Variants in TNFRSF13B observed in about 807,000 individuals in gnomAD.
The protein encoded by TNFRSF13B is TNF receptor superfamily member 13B, also known as tumor necrosis factor receptor superfamily member 13B.
A neutral mutation model predicts 24.0 loss-of-function variants in TNFRSF13B; 34 were observed. The ratio of observed to expected loss-of-function variants is 1.41; its 90% CI spans 1.08 to 1.88. The LOEUF (loss-of-function observed/expected upper bound fraction) is 1.88, where lower values mean the gene tolerates loss of function less well. Among genes scored for constraint, TNFRSF13B ranks in the 40% most tolerant of loss-of-function variants. The pLI is 0.00. For synonymous variants in TNFRSF13B, 173 were observed against 150.3 expected, an observed-to-expected ratio of 1.15 and a Z score of -1.10; for missense variants, 415 against 380.8, an observed-to-expected ratio of 1.09 and a Z score of -0.75.
intron 1 of TNFRSF13B, among the ~76,000 whole-genome samples, chr17:16,955,616 G>A (rs1430528999): frequency 1.3e-5 from 2 of 152,228 alleles, no homozygotes; most frequent in Non-Finnish European, 2.9e-5. Flanking sequence ...TCAAGTATCA[G>A]TGCAATACAG....
intron 2 of TNFRSF13B, among the ~76,000 whole-genome samples, chr17:16,951,543 G>C (rs566679122): frequency 6.6e-6 from 1 of 152,198 alleles, no homozygotes; most frequent in African/African-American, 2.4e-5. Flanking sequence ...ACAGGTTTTC[G>C]TGGTCCAGTA....
chr17:16,951,781 G>A (rs1297811698), intron 2 of TNFRSF13B, among the ~76,000 whole-genome samples: 4 of 152,146 alleles, frequency 2.6e-5, no homozygotes, highest in South Asian at 2.1e-4. Context: ...CCAGCTACTC[G>A]GGAGGCTGAG....
At chr17:16,959,292 A>G (rs1032875604) in intron 1 of TNFRSF13B, among the ~76,000 whole-genome samples, 1 of 152,094 alleles carries the variant, frequency 6.6e-6, no homozygotes, top group African/African-American at 2.4e-5. Flanking sequence ...AAATGAAAAT[A>G]CAACATACCA....
At chr17:16,971,070 G>A (rs935807199) in intron 1 of TNFRSF13B, among the ~76,000 whole-genome samples, 1 of 152,180 alleles carries the variant, frequency 6.6e-6, no homozygotes, top group Non-Finnish European at 1.5e-5. Flanking sequence ...TATACGGGCC[G>A]GGTGCCGTGG....
In TNFRSF13B at chr17:16,940,505, G is replaced by A. The variant is rs200037919; in HGVS notation, c.452C>T (p.Pro151Leu). The change falls in exon 4 of 5, where the codon CCG becomes CTG. Residue 151 changes from proline to leucine, a missense_variant. Coordinates refer to ENST00000261652, the MANE Select transcript of TNFRSF13B (RefSeq NM_012452.3). ...HRGSEASPAL[P>L]GLKLSADQVA... The stretch of plus-strand genomic sequence containing the variant: ...CTGATCTGCACTCAGCTTCAGCCCC[G>A]GGAGAGCTGCAAGACAGCATGAGAC... 122 of 1,613,292 alleles carry A rather than the reference G, an allele frequency of 7.6e-5. No homozygotes were observed. Among genetic ancestry groups the A allele is most frequent in the Middle Eastern group, 3.3e-4 (2 of 6,062 alleles).
At chr17:16,970,366 A>G (rs2087735266) in intron 1 of TNFRSF13B, among the ~76,000 whole-genome samples, 2 of 152,296 alleles carry the variant, frequency 1.3e-5, no homozygotes, top group East Asian at 3.9e-4. Context: ...ACCAGAGAGC[A>G]GCCAAGGAGG....
At chr17:16,965,804 T>C (rs910545999) in intron 1 of TNFRSF13B, among the ~76,000 whole-genome samples, 5 of 152,132 alleles carry the variant, frequency 3.3e-5, no homozygotes, top group African/African-American at 1.2e-4. Context: ...AATATTTAAA[T>C]GTGAAAAGAA....
chr17:16,966,060 T>G (rs2087696789), intron 1 of TNFRSF13B, among the ~76,000 whole-genome samples: 1 of 151,498 alleles, frequency 6.6e-6, no homozygotes, highest in Non-Finnish European at 1.5e-5. Context: ...TCGAGATCAG[T>G]TTGACCAATA....
chr17:16,948,993 A>T lies in TNFRSF13B; in HGVS notation c.200-10T>A. On this transcript the variant is annotated splice_polypyrimidine_tract_variant and intron_variant, in intron 2 of 4. Transcript: ENST00000261652. Reference sequence around the variant, plus strand: ...CGGCAGCTGAGTGACCCTGGGAGAGAGAAATTCATGATACTGCTGGGTGAC... The same window carrying T: ...CGGCAGCTGAGTGACCCTGGGAGAGTGAAATTCATGATACTGCTGGGTGAC... The T allele has an allele frequency of 6.2e-7, 1 of 1,614,038 alleles. No homozygotes were observed. The highest frequency in any genetic ancestry group is 8.5e-7 in the Non-Finnish European group (1 of 1,180,008).
chr17:16,943,679 T>C (rs371144447), intron 3 of TNFRSF13B, among the ~76,000 whole-genome samples: 22 of 152,286 alleles, frequency 1.4e-4, no homozygotes, highest in African/African-American at 4.8e-4. Context: ...CCCTCTGTCA[T>C]CTGGCATCTG....
Position 16,952,553 on chromosome 17 carries a change from A to T in TNFRSF13B, c.92T>A (p.Met31Lys), listed in dbSNP as rs757910034. The T allele has an allele frequency of 1.9e-6, 3 of 1,613,754 alleles. No individual in the cohort carries two copies. In the Admixed American group the frequency reaches 5.0e-5, roughly 27 times the overall value. ...GTACTGCTCTTCGGGGCAGGATCTC[A>T]TAGCCACCCCCGTCCACAGGCCCTG... ...FPQGLWTGVA[M>K]RSCPEEQYWD... Residue 31 changes from methionine to lysine, a missense_variant, in exon 2 of 5, where the codon ATG (methionine) becomes AAG (lysine). Met to Lys is a moderately conservative substitution (Grantham distance 95). Coordinates refer to ENST00000261652, the MANE Select transcript of TNFRSF13B (RefSeq NM_012452.3).
At chr17:16,954,742 G>A (rs539937820) in intron 1 of TNFRSF13B, among the ~76,000 whole-genome samples, 47 of 152,328 alleles carry the variant, frequency 3.1e-4, no homozygotes, top group African/African-American at 1.1e-3. Context: ...AGGATTGGTT[G>A]GAAACTTACA....
intron 3 of TNFRSF13B, among the ~76,000 whole-genome samples, chr17:16,944,949 T>C (rs1442912029): frequency 6.6e-6 from 1 of 152,154 alleles, no homozygotes; most frequent in East Asian, 1.9e-4. Context: ...GGTCCACCTC[T>C]GGGTCCCTCC....
intron 1 of TNFRSF13B, among the ~76,000 whole-genome samples, chr17:16,961,225 CCAG>C (rs2087660237): frequency 6.6e-6 from 1 of 152,158 alleles, no homozygotes; most frequent in South Asian, 2.1e-4. Flanking sequence ...ACCACAAGAC[CCAG>C]TAATTCCACT....
At chr17:16,946,315 C>T (rs2087547292) in intron 3 of TNFRSF13B, among the ~76,000 whole-genome samples, 1 of 152,232 alleles carries the variant, frequency 6.6e-6, no homozygotes. Flanking sequence ...AAGAGCAGGA[C>T]AGGCCGAGAG....
At chr17:16,958,423 A>T (rs1428407731) in intron 1 of TNFRSF13B, among the ~76,000 whole-genome samples, 1 of 151,274 alleles carries the variant, frequency 6.6e-6, no homozygotes, top group Non-Finnish European at 1.5e-5. Flanking sequence ...AAAAAAAAAA[A>T]TTGGCAGATT....
chr17:16,941,275 G>A (rs748366220), intron 3 of TNFRSF13B: 124 of 987,656 alleles, frequency 1.3e-4, no homozygotes, highest in Non-Finnish European at 1.4e-4. Flanking sequence ...TAGGACAGGC[G>A]ACGTTACACT....
chr17:16,969,701 C>T (rs1418827235), intron 1 of TNFRSF13B, among the ~76,000 whole-genome samples: 1 of 152,088 alleles, frequency 6.6e-6, no homozygotes, highest in African/African-American at 2.4e-5. Flanking sequence ...AATAAAGCTG[C>T]TTATTCTAGG....
intron 1 of TNFRSF13B, among the ~76,000 whole-genome samples, chr17:16,967,983 T>G (rs1009425681): frequency 1.4e-5 from 2 of 143,190 alleles, no homozygotes; most frequent in African/African-American, 5.3e-5. Context: ...TAAAAAAAAA[T>G]ACAAAAAATT....
Sources: allele counts gnomAD v4.1 joint callset (sites outside exome capture counted in the v4.1 genomes callset), GRCh38; gene constraint gnomAD v4.1.1; transcripts MANE v1.5; gene names NCBI Gene and HGNC (gene_info 2026-07-23, HGNC 2026-07-21).